Variants in TEX11 observed in about 807,000 individuals in gnomAD.
TEX11 encodes the protein testis-expressed protein 11.
In TEX11, 7 loss-of-function variants were observed where a neutral mutation model predicts 84.4. The observed-to-expected ratio is 0.08, with a 90% CI of 0.05 to 0.16. The LOEUF is 0.16. Ranked by LOEUF, TEX11 falls within the 10% of genes least tolerant of loss-of-function variation. The probability of loss-of-function intolerance (pLI) is 1.00; values close to 1 mark genes in which losing one functional copy is unlikely to be tolerated. For missense variants in TEX11, 551 were observed against 660.5 expected (o/e 0.83, Z 1.82); for synonymous variants, 264 against 222.8 (o/e 1.18, Z -1.64).
intron 20 of TEX11, among the ~76,000 whole-genome samples, chrX:70,616,122 G>GA (rs2089315072): frequency 9.1e-6 from 1 of 110,415 alleles, no homozygotes; most frequent in African/African-American, 3.3e-5. Context: ...TAAATACACA[G>GA]AAAAAAACAC....
Position 70,866,080 on chromosome X carries a change from CA to C in TEX11, c.245-5145del, listed in dbSNP as rs776852738. On this transcript the variant is annotated intron_variant, in intron 4 of 29. Coordinates refer to ENST00000374333, the MANE Select transcript of TEX11 (RefSeq NM_031276.3). The stretch of plus-strand genomic sequence containing the variant: ...GGAGATAGAGACACAAAAAACCCTT[CA>C]AAAAAATCAATGAATCCAGGAGCTG... 2.2e-3 allele frequency among the ~76,000 whole-genome samples: 249 copies of C among 110,956 alleles called. 1 individual carries two copies. The highest frequency in any genetic ancestry group is 8.0e-3 in the African/African-American group (244 of 30,596).
At chrX:70,740,673 T>A in intron 11 of TEX11, 28 bp downstream of exon 11, 1 of 1,026,671 alleles carries the variant, frequency 9.7e-7, no homozygotes, top group South Asian at 2.3e-5. Flanking sequence ...ATACATTAAG[T>A]TAGTATTCAA....
chrX:70,560,477 TG>T (rs2088353588), intron 25 of TEX11, among the ~76,000 whole-genome samples: 1 of 110,935 alleles, frequency 9.0e-6, no homozygotes, highest in Non-Finnish European at 1.9e-5. Context: ...ATTTTTTTAT[TG>T]GGTTATTTAT....
intron 2 of TEX11, chrX:70,897,668 AC>A (rs2091778348): frequency 1.5e-5 from 1 of 64,968 alleles, no homozygotes; most frequent in African/African-American, 5.7e-5. Context: ...AGGAAGGAAA[AC>A]AAAGAAAGAA....
At chrX:70,539,038 A>ATATTTTTTTTTT in intron 28 of TEX11, among the ~76,000 whole-genome samples, 27 of 41,241 alleles carry the variant, frequency 6.5e-4, no homozygotes, top group African/African-American at 8.3e-4. Context: ...ATATATATAT[A>ATATTTTTTTTTT]TTTTTTTTTT....
At chrX:70,583,370 G>T (rs2088807070) in intron 25 of TEX11, among the ~76,000 whole-genome samples, 1 of 111,602 alleles carries the variant, frequency 9.0e-6, no homozygotes, top group African/African-American at 3.3e-5. Context: ...TGACGTTCTG[G>T]TTCTGAGTTG....
At position 70,890,943 on chromosome X, in the gene TEX11, G is replaced by A. The variant is rs772471060; in HGVS notation, c.38-10834C>T. Among the ~76,000 whole-genome samples the A allele has an allele frequency of 3.6e-5, 4 of 112,447 alleles. No individual in the cohort carries two copies. In the South Asian group the frequency reaches 1.5e-3, roughly 41 times the overall value. ...CCCCCGTGTAGCCTAAATGGGAGAT[G>A]CCTCCCAGTAGGGGCCGACTGACAT... On this transcript the variant is annotated intron_variant, in intron 2 of 29. Transcript: ENST00000374333.
At chrX:70,841,664 A>G (rs2091445008) in intron 7 of TEX11, among the ~76,000 whole-genome samples, 1 of 111,687 alleles carries the variant, frequency 9.0e-6, no homozygotes, top group South Asian at 3.7e-4. Context: ...GACACAAAAA[A>G]CCCTTCAAAA....
intron 11 of TEX11, among the ~76,000 whole-genome samples, chrX:70,726,129 T>C (rs1438522731): frequency 8.9e-6 from 1 of 112,581 alleles, no homozygotes; most frequent in Admixed American, 9.4e-5. Flanking sequence ...CCATCTTTCC[T>C]GTAGGTTTGT....
At chrX:70,843,239 C>T (rs1457217332) in intron 7 of TEX11, among the ~76,000 whole-genome samples, 2 of 111,715 alleles carry the variant, frequency 1.8e-5, no homozygotes, top group Admixed American at 9.6e-5. Flanking sequence ...TACTACAAGG[C>T]TACAGTAACC....
chrX:70,573,232 A>T (rs1296693785), intron 25 of TEX11, among the ~76,000 whole-genome samples: 2 of 111,342 alleles, frequency 1.8e-5, no homozygotes, highest in Non-Finnish European at 3.8e-5. Flanking sequence ...GCCCTGTATC[A>T]AAGTCTCTAC....
At chrX:70,801,075 T>TTTTCAAAAGAAACAGTAAACAAAAA (rs986639864) in intron 9 of TEX11, among the ~76,000 whole-genome samples, 3 of 111,232 alleles carry the variant, frequency 2.7e-5, no homozygotes, top group Admixed American at 1.9e-4. Context: ...TTCTTGGAAA[T>TTTTCAAAAGAAACAGTAAACAAAAA]TTTCAAACAC....
chrX:70,892,506 G>C (rs984985365), intron 2 of TEX11, among the ~76,000 whole-genome samples: 2 of 111,388 alleles, frequency 1.8e-5, no homozygotes, highest in African/African-American at 3.3e-5. Context: ...AGGCTGAGGC[G>C]GGTGGATCAA....
intron 25 of TEX11, among the ~76,000 whole-genome samples, chrX:70,589,400 TAG>T (rs995913179): frequency 1.7e-3 from 191 of 109,610 alleles, no homozygotes; most frequent in African/African-American, 4.6e-3. Context: ...TATGTATATA[TAG>T]AGAGGCATTT....
chrX:70,827,633 C>G (rs2091354267), intron 8 of TEX11, among the ~76,000 whole-genome samples: 1 of 111,512 alleles, frequency 9.0e-6, no homozygotes, highest in East Asian at 2.8e-4. Flanking sequence ...GTGGCGGCCA[C>G]AGGGAGAGAC....
chrX:70,643,304 A>G (rs1255536146), intron 17 of TEX11, among the ~76,000 whole-genome samples: 1 of 103,823 alleles, frequency 9.6e-6, no homozygotes, highest in African/African-American at 3.5e-5. Context: ...TTCCATGCTC[A>G]TGGGTAGGAA....
At chrX:70,719,191 C>A (rs937549905) in intron 13 of TEX11, among the ~76,000 whole-genome samples, 1 of 111,998 alleles carries the variant, frequency 8.9e-6, no homozygotes, top group Non-Finnish European at 1.9e-5. Context: ...ATACACGTTT[C>A]ATTTTTTATC....
intron 13 of TEX11, among the ~76,000 whole-genome samples, chrX:70,711,937 T>C (rs1355636127): frequency 1.8e-5 from 2 of 111,981 alleles, no homozygotes; most frequent in African/African-American, 6.5e-5. Context: ...AACATTCAAA[T>C]CTTTAAACCA....
intron 28 of TEX11, among the ~76,000 whole-genome samples, chrX:70,544,124 G>A (rs2088083690): frequency 1.8e-5 from 2 of 112,031 alleles, no homozygotes; most frequent in African/African-American, 3.2e-5. Flanking sequence ...TGAACATGAA[G>A]GTGTAGGACA....
Sources: allele counts gnomAD v4.1 joint callset (sites outside exome capture counted in the v4.1 genomes callset), GRCh38; gene constraint gnomAD v4.1.1; transcripts MANE v1.5; gene names NCBI Gene and HGNC (gene_info 2026-07-23, HGNC 2026-07-21).